Variants in EPC1 observed in about 807,000 individuals in gnomAD.
EPC1 encodes enhancer of polycomb 1.
In EPC1, 12 loss-of-function variants were observed where a neutral mutation model predicts 98.4. The observed-to-expected ratio is 0.12, with a 90% CI of 0.08 to 0.20. The LOEUF (loss-of-function observed/expected upper bound fraction) is 0.20, where lower values mean the gene tolerates loss of function less well. EPC1 is among the 10% of genes least tolerant of loss of function. The probability of loss-of-function intolerance (pLI) is 1.00; values close to 1 mark genes in which losing one functional copy is unlikely to be tolerated. For synonymous variants in EPC1, 357 were observed against 363.9 expected (o/e 0.98, Z 0.21); for missense variants, 729 against 990.5 (o/e 0.74, Z 3.54).
chr10:32,301,043 TATCTATC>T (rs1564534237), intron 2 of EPC1, among the ~76,000 whole-genome samples: 1,675 of 103,076 alleles, frequency 0.016, 24 homozygotes, highest in African/African-American at 0.053. Context: ...CATTTATATC[TATCTATC>T]TATCTATCTA....
upstream of EPC1, among the ~76,000 whole-genome samples, chr10:32,348,707 C>T (rs1839014854): frequency 6.6e-6 from 1 of 152,200 alleles, no homozygotes; most frequent in African/African-American, 2.4e-5. Context: ...ATTGAGCCCT[C>T]ATAGCCTTCC....
chr10:32,289,414 G>A (rs1836873801), intron 6 of EPC1, among the ~76,000 whole-genome samples: 1 of 148,124 alleles, frequency 6.8e-6, no homozygotes, highest in Non-Finnish European at 1.5e-5. Context: ...ATAACTCCCC[G>A]CCTCCCCCTG....
At chr10:32,350,496 G>C (rs936602125), upstream of EPC1, among the ~76,000 whole-genome samples, 1 of 152,172 alleles carries the variant, frequency 6.6e-6, no homozygotes, top group African/African-American at 2.4e-5. Flanking sequence ...ACATTCATGG[G>C]GGAACGCAAC....
intron 2 of EPC1, among the ~76,000 whole-genome samples, chr10:32,296,906 C>CAAAAA (rs879816360): frequency 7.7e-6 from 1 of 129,604 alleles, no homozygotes; most frequent in Non-Finnish European, 1.7e-5. Context: ...GACTCCATCT[C>CAAAAA]AAAAAAAAAA....
At chr10:32,331,632 T>C (rs1232152063) in intron 1 of EPC1, among the ~76,000 whole-genome samples, 1 of 152,080 alleles carries the variant, frequency 6.6e-6, no homozygotes, top group Non-Finnish European at 1.5e-5. Flanking sequence ...AAAGTAAAAA[T>C]AAGTATTTTA....
chr10:32,316,594 T>C (rs1253009426), intron 1 of EPC1, among the ~76,000 whole-genome samples: 1 of 152,198 alleles, frequency 6.6e-6, no homozygotes, highest in Non-Finnish European at 1.5e-5. Flanking sequence ...AGTTCTCAAC[T>C]GGCAAAAATA....
At chr10:32,302,341 C>T (rs1405355657) in intron 2 of EPC1, among the ~76,000 whole-genome samples, 3 of 151,524 alleles carry the variant, frequency 2.0e-5, no homozygotes, top group East Asian at 3.9e-4. Flanking sequence ...TTAAGACACC[C>T]ATCCCATAGA....
intron 1 of EPC1, among the ~76,000 whole-genome samples, chr10:32,329,236 C>T (rs1164728879): frequency 1.3e-5 from 2 of 152,216 alleles, no homozygotes; most frequent in Admixed American, 1.3e-4. Flanking sequence ...ATTTCCAGCG[C>T]TCTCTTTCCT....
rs540959061 is a variant in EPC1 at position 32,278,066 on chromosome 10, G to A, written c.1745-4785C>T. On this transcript the variant is annotated intron_variant, in intron 10 of 13. Transcript: ENST00000319778. Reference sequence around the variant, plus strand: ...GAAACATTCAGCCGTGAAAGATGGAGTTTAGATTACCAAAATGTACACTTT... The same window carrying A: ...GAAACATTCAGCCGTGAAAGATGGAATTTAGATTACCAAAATGTACACTTT... 8.5e-5 allele frequency among the ~76,000 whole-genome samples: 13 copies of A among 152,256 alleles called. No homozygotes were observed. The East Asian group carries it at 1.7e-3, about 20-fold the overall frequency.
At chr10:32,351,245 C>T (rs984462888), upstream of EPC1, among the ~76,000 whole-genome samples, 6 of 152,158 alleles carry the variant, frequency 3.9e-5, no homozygotes, top group African/African-American at 9.7e-5. Flanking sequence ...GCCAAATTTT[C>T]GAGTGTTTGG....
intron 1 of EPC1, among the ~76,000 whole-genome samples, chr10:32,371,976 C>G (rs570440616): frequency 6.6e-6 from 1 of 152,166 alleles, no homozygotes; most frequent in Admixed American, 6.6e-5. Flanking sequence ...CTACCCTGAA[C>G]ATCCTATTTA....
At chr10:32,351,793 T>C (rs1417870165), upstream of EPC1, among the ~76,000 whole-genome samples, 143 of 137,506 alleles carry the variant, frequency 1.0e-3, no homozygotes, top group East Asian at 5.6e-3. Context: ...TGCAGTGGCG[T>C]GATCTCGGCT....
chr10:32,356,400 T>A (rs998482403), intron 1 of EPC1, among the ~76,000 whole-genome samples: 2 of 151,792 alleles, frequency 1.3e-5, no homozygotes. Context: ...GTGGGATTCT[T>A]GGTGTGAAGA....
intron 2 of EPC1, among the ~76,000 whole-genome samples, chr10:32,303,912 G>A (rs2132809724): frequency 6.6e-6 from 1 of 152,336 alleles, no homozygotes; most frequent in African/African-American, 2.4e-5. Flanking sequence ...AACTGTGCAG[G>A]AGACTTCTCT....
At chr10:32,307,603 T>C (rs1328009350) in intron 1 of EPC1, among the ~76,000 whole-genome samples, 2 of 152,214 alleles carry the variant, frequency 1.3e-5, no homozygotes, top group East Asian at 1.9e-4. Context: ...TGGGAGCTGG[T>C]AGAAACTAAG....
intron 2 of EPC1, 35 bp downstream of exon 2, chr10:32,305,737 T>C (rs761305484): frequency 1.7e-5 from 26 of 1,515,892 alleles, no homozygotes; most frequent in Admixed American, 1.1e-4. Context: ...AAGAGAAATA[T>C]AGAAAATACA....
intron 1 of EPC1, among the ~76,000 whole-genome samples, chr10:32,331,986 A>G (rs1253460843): frequency 1.3e-5 from 2 of 152,230 alleles, no homozygotes; most frequent in Non-Finnish European, 2.9e-5. Context: ...GCAGAAAAAC[A>G]CAAAACAGGT....
chr10:32,327,019 T>C (rs2505405), intron 1 of EPC1, among the ~76,000 whole-genome samples: 776 of 28,606 alleles, frequency 0.027, 27 homozygotes, highest in Admixed American at 0.062. Flanking sequence ...AAAAAAAAAA[T>C]CAATGTAAAT....
chr10:32,286,936 T>C lies in EPC1; in HGVS notation c.1232A>G (p.Gln411Arg), dbSNP rs1197785850. 6.2e-7 allele frequency: 1 copy of C among 1,613,456 alleles called. No homozygotes were observed. Among genetic ancestry groups the C allele is most frequent in the Non-Finnish European group, 8.5e-7 (1 of 1,179,806 alleles). ...PFAFRRKAGC[Q>R]YYAPHLDQTG... ...CACTCTGAAACTTACAGCATAGTAC[T>C]GACAGCCTGCTTTCCTACGGAAAGC... Residue 411 changes from glutamine (Q) to arginine (R), a missense_variant, in exon 8 of 14, where the codon CAG (glutamine) becomes CGG (arginine). By Grantham distance (43) the Gln-to-Arg change is conservative. Coordinates refer to ENST00000319778, the MANE Select transcript of EPC1 (RefSeq NM_001272004.3).
Sources: gnomAD v4.1 joint callset for allele counts (sites outside exome capture counted in the v4.1 genomes callset) on GRCh38, gnomAD v4.1.1 for gene constraint, MANE v1.5 for transcripts, NCBI Gene and HGNC (gene_info 2026-07-23, HGNC 2026-07-21) for gene names.